UNC5D: variants seen among roughly 807,000 people sequenced by gnomAD.
UNC5D encodes netrin receptor UNC5D.
A neutral mutation model predicts 105.4 loss-of-function variants in UNC5D; 39 were observed. That is an observed-to-expected ratio of 0.37 (90% CI 0.29 to 0.48). The LOEUF is 0.48. Ranked by LOEUF, UNC5D falls within the 20% of genes least tolerant of loss-of-function variation. The pLI is 0.98. For missense variants in UNC5D, 991 were observed against 1,202.4 expected, an observed-to-expected ratio of 0.82 and a Z score of 2.60; for synonymous variants, 452 against 450.4, an observed-to-expected ratio of 1.00 and a Z score of -0.04.
intron 4 of UNC5D, among the ~76,000 whole-genome samples, chr8:35,643,153 A>G (rs137861979): frequency 8.1e-4 from 124 of 152,206 alleles, no homozygotes; most frequent in African/African-American, 2.6e-3. Flanking sequence ...TGTCCTGTGC[A>G]TGGTAGATGT....
At chr8:35,500,272 T>A (rs1811878619) in intron 1 of UNC5D, among the ~76,000 whole-genome samples, 1 of 152,156 alleles carries the variant, frequency 6.6e-6, no homozygotes, top group African/African-American at 2.4e-5. Context: ...CATAACATGG[T>A]GGAGGGCATT....
intron 1 of UNC5D, among the ~76,000 whole-genome samples, chr8:35,337,040 G>A (rs1319657289): frequency 1.3e-5 from 2 of 152,024 alleles, no homozygotes; most frequent in Non-Finnish European, 2.9e-5. Context: ...TTTTCCCTGA[G>A]TAATATTCAA....
In UNC5D at chr8:35,261,310, T is replaced by A. The variant is rs796111564; in HGVS notation, c.103+25423T>A. On this transcript the variant is annotated intron_variant, in intron 1 of 16. Transcript: ENST00000404895. ...GCTATTCAGAACCCTGCACAATTGA[T>A]GTTTCTTTCCTCCAGTTATTTCAGT... is the stretch of plus-strand genomic sequence containing the variant. Among the ~76,000 whole-genome samples the A allele has an allele frequency of 3.5e-4, 54 of 152,320 alleles. 1 individual carries two copies. The highest frequency in any genetic ancestry group is 1.3e-3 in the African/African-American group (54 of 41,574).
intron 1 of UNC5D, among the ~76,000 whole-genome samples, chr8:35,238,057 T>C (rs1415116807): frequency 6.6e-6 from 1 of 152,218 alleles, no homozygotes; most frequent in Non-Finnish European, 1.5e-5. Flanking sequence ...ACTTATCCAA[T>C]TAATAGTTTT....
At chr8:35,433,420 G>A (rs972600329) in intron 1 of UNC5D, among the ~76,000 whole-genome samples, 2 of 151,896 alleles carry the variant, frequency 1.3e-5, no homozygotes, top group African/African-American at 4.8e-5. Context: ...GCATATGAGA[G>A]GAAAAGCTAA....
chr8:35,427,493 G>A (rs956399381), intron 1 of UNC5D, among the ~76,000 whole-genome samples: 1 of 152,164 alleles, frequency 6.6e-6, no homozygotes, highest in African/African-American at 2.4e-5. Flanking sequence ...TTAGCAGGGT[G>A]GATGTCAAAC....
intron 7 of UNC5D, among the ~76,000 whole-genome samples, chr8:35,691,992 T>C (rs931504094): frequency 6.6e-6 from 1 of 152,118 alleles, no homozygotes; most frequent in African/African-American, 2.4e-5. Context: ...GCTAGAGAAA[T>C]GCCACAGGGG....
intron 11 of UNC5D, among the ~76,000 whole-genome samples, chr8:35,735,002 T>C (rs1829391282): frequency 6.6e-6 from 1 of 152,072 alleles, no homozygotes; most frequent in African/African-American, 2.4e-5. Flanking sequence ...GGTCTCAAAC[T>C]CCTGACCTCG....
chr8:35,256,340 T>A (rs1323133854), intron 1 of UNC5D: 1 of 152,134 alleles, frequency 6.6e-6, no homozygotes, highest in Non-Finnish European at 1.5e-5. Flanking sequence ...TTAATATACT[T>A]TAAATTCAGG....
chr8:35,592,106 C>T (rs1819211910), intron 3 of UNC5D, among the ~76,000 whole-genome samples: 1 of 152,140 alleles, frequency 6.6e-6, no homozygotes, highest in South Asian at 2.1e-4. Flanking sequence ...CAGTTTTCTG[C>T]AATATTCAAT....
chr8:35,368,740 C>G (rs1192099117), intron 1 of UNC5D, among the ~76,000 whole-genome samples: 1 of 152,046 alleles, frequency 6.6e-6, no homozygotes, highest in Non-Finnish European at 1.5e-5. Context: ...GTAATTAGGT[C>G]TGGAAGAGGT....
Position 35,513,265 on chromosome 8 carries a change from A to G in UNC5D, c.104-36027A>G, listed in dbSNP as rs190340536. On this transcript the variant is annotated intron_variant, in intron 1 of 16. Transcript: ENST00000404895. ...TTCCCCTGAGACAGAGTCTTGCTCTATCACCGAGGCTGAAGTGCAATGGTG... is the reference window on the plus strand; with the variant it reads ...TTCCCCTGAGACAGAGTCTTGCTCTGTCACCGAGGCTGAAGTGCAATGGTG... Among the ~76,000 whole-genome samples, 164 of 133,090 alleles carry G rather than the reference A, an allele frequency of 1.2e-3. 3 individuals are homozygous for G. In the East Asian group the frequency reaches 0.029, roughly 24 times the overall value. The allele number at this position is 133,090 out of a possible 152,430, so 87.3% of individuals were successfully genotyped here.
chr8:35,618,406 T>C (rs900408189), intron 4 of UNC5D, among the ~76,000 whole-genome samples: 3 of 152,200 alleles, frequency 2.0e-5, no homozygotes, highest in Admixed American at 2.0e-4. Flanking sequence ...CAATGTGAAT[T>C]GGTGCTATAG....
intron 1 of UNC5D, among the ~76,000 whole-genome samples, chr8:35,338,028 A>G (rs892993755): frequency 1.3e-5 from 2 of 152,236 alleles, no homozygotes; most frequent in Non-Finnish European, 2.9e-5. Flanking sequence ...TCAGAGTACT[A>G]CTTCAAGGTT....
chr8:35,687,073 T>C (rs1233304116), intron 7 of UNC5D, among the ~76,000 whole-genome samples: 2 of 152,202 alleles, frequency 1.3e-5, no homozygotes, highest in Non-Finnish European at 2.9e-5. Flanking sequence ...CCCAGGAATT[T>C]TGCAAACACA....
chr8:35,776,356 A>T (rs905687330), intron 16 of UNC5D, among the ~76,000 whole-genome samples: 2 of 152,250 alleles, frequency 1.3e-5, no homozygotes, highest in Non-Finnish European at 2.9e-5. Flanking sequence ...TGCTGTAATT[A>T]ATTTGCTGAA....
At chr8:35,505,257 GGC>G (rs1812236118) in intron 1 of UNC5D, among the ~76,000 whole-genome samples, 1 of 152,188 alleles carries the variant, frequency 6.6e-6, no homozygotes, top group Non-Finnish European at 1.5e-5. Context: ...GGATAAATGT[GGC>G]AAGGCTTAAT....
At chr8:35,346,694 A>C (rs1386326184) in intron 1 of UNC5D, among the ~76,000 whole-genome samples, 1 of 152,038 alleles carries the variant, frequency 6.6e-6, no homozygotes, top group Admixed American at 6.6e-5. Flanking sequence ...AAAAATTGGT[A>C]CCATGGCCTT....
chr8:35,603,080 T>C (rs1820010219), intron 4 of UNC5D, among the ~76,000 whole-genome samples: 1 of 152,138 alleles, frequency 6.6e-6, no homozygotes, highest in Non-Finnish European at 1.5e-5. Flanking sequence ...TTTCTTGCCT[T>C]CTGTTAGCTT....
Sources: gnomAD v4.1 joint callset for allele counts (sites outside exome capture counted in the v4.1 genomes callset) on GRCh38, gnomAD v4.1.1 for gene constraint, MANE v1.5 for transcripts, NCBI Gene and HGNC (gene_info 2026-07-23, HGNC 2026-07-21) for gene names.